Variants in RNF213 observed in about 807,000 individuals in gnomAD.
RNF213 encodes E3 ubiquitin-protein ligase RNF213.
Under a neutral mutation model 514.4 loss-of-function variants are expected in RNF213, and 341 were observed. The observed-to-expected ratio is 0.66, with a 90% confidence interval of 0.61 to 0.73. The LOEUF (loss-of-function observed/expected upper bound fraction) is 0.73. RNF213 is among the 30% of genes least tolerant of loss of function. The pLI, the probability that RNF213 is intolerant of heterozygous loss-of-function variation, is 0.00. For synonymous variants in RNF213, 2,655 were observed against 2,658.2 expected (o/e 1.00, Z 0.04); for missense variants, 5,767 against 6,615.6 (o/e 0.87, Z 4.45).
chr17:80,340,511 A>C, intron 26 of RNF213, 155 bp downstream of exon 26: 1 of 698,954 alleles, frequency 1.4e-6, no homozygotes, highest in African/African-American at 1.8e-5. Context: ...CTGTGCCAGA[A>C]CCAGGCACCC....
rs1193046322 is a variant in RNF213 at position 80,394,230 on chromosome 17, C to T, written c.*732C>T. 6.6e-6 allele frequency: 1 copy of T among 152,276 alleles called. No homozygotes were observed. The highest frequency in any genetic ancestry group is 1.5e-5 in the Non-Finnish European group (1 of 68,092). 9.4% of individuals were successfully genotyped at this position (152,276 alleles called of 1,614,324 possible). On this transcript the variant is annotated 3_prime_UTR_variant, in exon 68 of 68. Transcript: ENST00000582970. ...AGTGGATTAATCGCCAAAGATTCTT[C>T]TGATCTGACATTTTGAAATTGTGAG...
intron 29 of RNF213, among the ~76,000 whole-genome samples, chr17:80,348,964 G>T (rs947336173): frequency 6.6e-6 from 1 of 152,218 alleles, no homozygotes; most frequent in African/African-American, 2.4e-5. Flanking sequence ...TGGGTGAAGG[G>T]AGTCTGATGA....
At chr17:80,311,080 G>T (rs570619202) in intron 14 of RNF213, among the ~76,000 whole-genome samples, 1 of 152,294 alleles carries the variant, frequency 6.6e-6, no homozygotes, top group Non-Finnish European at 1.5e-5. Flanking sequence ...TAAGGAATTT[G>T]TCAGTTACTT....
At chr17:80,386,222 T>G (rs770036916) in intron 61 of RNF213, 28 bp from the exon 62 acceptor site, 8 of 1,600,476 alleles carry the variant, frequency 5.0e-6, no homozygotes, top group Admixed American at 1.7e-5. Context: ...AACTCCTCTC[T>G]GCTTAAGCAT....
chr17:80,382,013 G>GC, intron 57 of RNF213: 2 of 441,290 alleles, frequency 4.5e-6, no homozygotes, highest in South Asian at 4.2e-5. Flanking sequence ...GCGTCTGCAC[G>GC]CAAGTGTTCA....
chr17:80,390,147 C>G lies in RNF213; in HGVS notation c.15421C>G (p.Leu5141Val), dbSNP rs774639080. 6.8e-6 allele frequency: 11 copies of G among 1,614,182 alleles called. No homozygotes were observed. Among genetic ancestry groups the G allele is most frequent in the Non-Finnish European group, 9.3e-6 (11 of 1,180,048 alleles). The change falls in exon 67 of 68, where the codon CTA (leucine) becomes GTA (valine). Residue 5141 changes from leucine (L) to valine (V), a missense_variant. This residue lies in a region of RNF213 where 1,245 missense variants were observed against 1,339.0 expected (regional missense o/e 0.93). Coordinates refer to ENST00000582970, the MANE Select transcript of RNF213 (RefSeq NM_001256071.3). The stretch of plus-strand genomic sequence containing the variant: ...GCTGCACGAAATGATAATCTTGAAA[C>G]TAAAGAACCCCCAAACCCAAACCGA... The part of the protein sequence containing the change: ...LELHEMIILK[L>V]KNPQTQTEER...
chr17:80,301,494 AGT>A (rs2045177998), intron 11 of RNF213, among the ~76,000 whole-genome samples: 1 of 152,226 alleles, frequency 6.6e-6, no homozygotes, highest in Non-Finnish European at 1.5e-5. Context: ...AAATGAGTTG[AGT>A]AGTCATCTAA....
Position 80,348,187 on chromosome 17 carries a change from G to T in RNF213, c.9852G>T (p.Ser3284=). 1 of 1,613,854 alleles carries T rather than the reference G, an allele frequency of 6.2e-7. No homozygotes were observed. The highest frequency in any genetic ancestry group is 1.1e-5 in the South Asian group (1 of 91,086). Residue 3284 remains serine, a synonymous_variant, in exon 29 of 68, where the codon TCG becomes TCT. Coordinates refer to ENST00000582970, the MANE Select transcript of RNF213 (RefSeq NM_001256071.3). ...GCGGGTTCGCAGCGGAGTGGCTGTC[G>T]CAGGAGTACTTTCACAGACAGAGGC... ...SLGGFAAEWL[S]QEYFHRQRHN...
Position 80,345,940 on chromosome 17 carries a change from C to G in RNF213, c.7605C>G (p.Ile2535Met), listed in dbSNP as rs1274374947. 21 of 1,614,108 alleles carry G rather than the reference C, an allele frequency of 1.3e-5. No homozygotes were observed. Among genetic ancestry groups the G allele is most frequent in the Admixed American group, 1.7e-5 (1 of 60,008 alleles). Residue 2535 changes from isoleucine (I) to methionine (M), a missense_variant, in exon 29 of 68, where the codon ATC becomes ATG. Coordinates refer to ENST00000582970, the MANE Select transcript of RNF213 (RefSeq NM_001256071.3). This position sits in a 1 kb window ranked among gnomAD's most constrained non-coding sequence, Gnocchi z 6.0. Reference sequence around the variant, plus strand: ...ACCGGAAGCACTCTGAGGAGATGATCTGCCGTTTGGAGTCAGCTGGTTTGG... The same window carrying G: ...ACCGGAAGCACTCTGAGGAGATGATGTGCCGTTTGGAGTCAGCTGGTTTGG... ...NPYRKHSEEM[I>M]CRLESAGLGY...
chr17:80,372,566 C>T lies in RNF213; in HGVS notation c.12583C>T (p.Leu4195=), dbSNP rs754752102. The T allele has an allele frequency of 6.2e-7, 1 of 1,614,022 alleles. No individual in the cohort carries two copies. The highest frequency in any genetic ancestry group is 8.5e-7 in the Non-Finnish European group (1 of 1,179,976). The change falls in exon 48 of 68, where the codon CTG becomes TTG. Residue 4195 remains leucine (L), a synonymous_variant. Transcript: ENST00000582970. ...KTSAYSRNDE[L]NHLEEEGRFL... ...CAGTGCTTACTCCAGAAATGATGAA[C>T]TGAACCACCTAGAAGAGGAAGGTCG...
Position 80,343,160 on chromosome 17 carries a change from C to T in RNF213, c.6018C>T (p.His2006=), listed in dbSNP as rs148663578. 1.5e-5 allele frequency: 24 copies of T among 1,613,844 alleles called. 1 individual carries two copies. The Admixed American group carries it at 1.5e-4, about 10-fold the overall frequency. Residue 2006 remains histidine (H), a synonymous_variant, in exon 27 of 68, where the codon CAC becomes CAT. Coordinates refer to ENST00000582970, the MANE Select transcript of RNF213 (RefSeq NM_001256071.3). The surrounding 1 kb of genome is among the most constrained non-coding windows in gnomAD (Gnocchi z 4.3). Reference sequence around the variant, plus strand: ...AGTCTCTGTACGTGAAGAGGTTGCACGACAAAATGAAGATGCAGTTAAACG... The same window carrying T: ...AGTCTCTGTACGTGAAGAGGTTGCATGACAAAATGAAGATGCAGTTAAACG... ...VGKSLYVKRL[H]DKMKMQLNVK...
chr17:80,280,268 C>T (rs8069705), intron 3 of RNF213, among the ~76,000 whole-genome samples: 62,509 of 151,980 alleles, frequency 0.41, 13,259 homozygotes, highest in East Asian at 0.5. Flanking sequence ...GATTCATAGG[C>T]CATGCGAGGA....
At chr17:80,276,554 A>G (rs984652178) in intron 3 of RNF213, among the ~76,000 whole-genome samples, 2 of 152,178 alleles carry the variant, frequency 1.3e-5, no homozygotes, top group Non-Finnish European at 2.9e-5. Context: ...ACAAGAGAAC[A>G]ATAAAAGAGG....
chr17:80,316,642 T>C (rs2045957679), intron 15 of RNF213: 1 of 189,944 alleles, frequency 5.3e-6, no homozygotes, highest in Admixed American at 5.3e-5. Context: ...AAACCTGCAC[T>C]GGAGTTGCAC....
chr17:80,319,008 T>A (rs1040534529), intron 16 of RNF213, among the ~76,000 whole-genome samples, 182 bp from the exon 17 acceptor site: 21 of 152,212 alleles, frequency 1.4e-4, no homozygotes, highest in African/African-American at 5.1e-4. Flanking sequence ...TTTTAAATTT[T>A]AGCCTTTGGT....
At chr17:80,355,414 C>CA (rs1316324166) in intron 36 of RNF213, 5 of 93,466 alleles carry the variant, frequency 5.3e-5, no homozygotes, top group African/African-American at 1.3e-4. Context: ...TGGGGGCTCA[C>CA]GGAGGAAGAA....
At chr17:80,367,725 C>T in intron 42 of RNF213, 23 bp from the exon 43 acceptor site, 1 of 1,606,560 alleles carries the variant, frequency 6.2e-7, no homozygotes, top group Non-Finnish European at 8.5e-7. Context: ...CTGCTAATGA[C>T]TCCTGTCCCT....
chr17:80,309,277 A>G, intron 14 of RNF213, 106 bp downstream of exon 14: 2 of 1,373,690 alleles, frequency 1.5e-6, no homozygotes, highest in Non-Finnish European at 2.1e-6. Flanking sequence ...CTGGGATGAG[A>G]TGGAGCGGTG....
chr17:80,363,041 G>A lies in RNF213; in HGVS notation c.11356-61G>A, dbSNP rs1036618276. 23 of 1,441,722 alleles carry A rather than the reference G, an allele frequency of 1.6e-5. No homozygotes were observed. In the African/African-American group the frequency reaches 2.3e-4, roughly 14 times the overall value. The allele number at this position is 1,441,722 out of a possible 1,614,324, so 89.3% of individuals were successfully genotyped here. On this transcript the variant is annotated intron_variant, in intron 39 of 67. Transcript: ENST00000582970. ...TTTTCCAATAGTTCGGATTTCCCACGGGGAAAACATACCATTTTTGTAATT... is the reference window on the plus strand; with the variant it reads ...TTTTCCAATAGTTCGGATTTCCCACAGGGAAAACATACCATTTTTGTAATT...
Sources: gnomAD v4.1 joint callset for allele counts (sites outside exome capture counted in the v4.1 genomes callset) on GRCh38, gnomAD v4.1.1 for gene constraint, gnomAD v4.1.1 regional missense constraint, Gnocchi (gnomAD v3.1) non-coding constraint, MANE v1.5 for transcripts, NCBI Gene and HGNC (gene_info 2026-07-23, HGNC 2026-07-21) for gene names.